HELZ: variants seen among roughly 807,000 people sequenced by gnomAD.
HELZ encodes ATP-dependent RNA helicase with zinc finger domain.
Under a neutral mutation model 218.2 loss-of-function variants are expected in HELZ, and 23 were observed. That is an observed-to-expected ratio of 0.11 (90% CI 0.08 to 0.15). The LOEUF (loss-of-function observed/expected upper bound fraction) is 0.15. HELZ is among the 10% of genes least tolerant of loss of function. The pLI is 1.00. For synonymous variants in HELZ, 814 were observed against 829.4 expected (o/e 0.98, Z 0.32); for missense variants, 1,813 against 2,353.7 (o/e 0.77, Z 4.75).
At chr17:67,213,564 G>A (rs1218165925) in intron 5 of HELZ, among the ~76,000 whole-genome samples, 1 of 152,112 alleles carries the variant, frequency 6.6e-6, no homozygotes, top group Non-Finnish European at 1.5e-5. Flanking sequence ...GGAGGTCACA[G>A]TGACCCGAGA....
intron 20 of HELZ, 106 bp downstream of exon 20, chr17:67,148,463 G>T (rs2038576740): frequency 3.4e-6 from 3 of 878,620 alleles, no homozygotes; most frequent in African/African-American, 3.4e-5. Context: ...GGGACACTAT[G>T]TAAGTGTGTT....
At chr17:67,229,986 A>G (rs2040993095) in intron 3 of HELZ, among the ~76,000 whole-genome samples, 1 of 152,244 alleles carries the variant, frequency 6.6e-6, no homozygotes, top group Non-Finnish European at 1.5e-5. Flanking sequence ...AAATTTTAGA[A>G]TAAGTGGAAT....
chr17:67,142,863 C>T (rs181656507), intron 21 of HELZ, among the ~76,000 whole-genome samples: 102 of 152,162 alleles, frequency 6.7e-4, no homozygotes, highest in African/African-American at 2.4e-3. Flanking sequence ...TTCAAGCCAT[C>T]CTCCCACCTC....
At position 67,190,081 on chromosome 17, in the gene HELZ, T is replaced by C; in HGVS notation, c.756+76A>G. The C allele has an allele frequency of 2.4e-6, 3 of 1,258,218 alleles. No homozygotes were observed. In the East Asian group the frequency reaches 6.9e-5, roughly 29 times the overall value. The allele number at this position is 1,258,218 out of a possible 1,614,324, so 77.9% of individuals were successfully genotyped here. A position where few individuals can be genotyped will look rare whatever the true frequency, so the allele number is the denominator to read the frequency against. On this transcript the variant is annotated intron_variant, in intron 10 of 32. Transcript: ENST00000358691. ...AAGAAGATAAGGAAATAAACCAAAA[T>C]AGAGCACACAATAAAGTCAAGACTC...
intron 3 of HELZ, among the ~76,000 whole-genome samples, chr17:67,234,043 C>CAAAA (rs551566138): frequency 1.0e-5 from 1 of 98,674 alleles, no homozygotes. Flanking sequence ...GACTCCATCT[C>CAAAA]AAAAAAAAAA....
At chr17:67,113,013 AATGTAGACT>A (rs1459769525) in intron 28 of HELZ, among the ~76,000 whole-genome samples, 14 of 152,214 alleles carry the variant, frequency 9.2e-5, no homozygotes, top group African/African-American at 3.1e-4. Context: ...GTTTTAGTGA[AATGTAGACT>A]ATGTGGATTA....
intron 7 of HELZ, among the ~76,000 whole-genome samples, chr17:67,196,913 T>C (rs1472889606): frequency 6.6e-6 from 1 of 152,116 alleles, no homozygotes; most frequent in Non-Finnish European, 1.5e-5. Flanking sequence ...ATGTCTCTCA[T>C]CTCTCTTACA....
chr17:67,092,259 A>G (rs1052748629), intron 31 of HELZ, among the ~76,000 whole-genome samples: 9 of 152,210 alleles, frequency 5.9e-5, no homozygotes, highest in African/African-American at 2.2e-4. Context: ...CTCGTCATCA[A>G]TAGAGGACAC....
At chr17:67,236,234 T>C (rs1254753721) in intron 3 of HELZ, among the ~76,000 whole-genome samples, 1 of 152,170 alleles carries the variant, frequency 6.6e-6, no homozygotes, top group Non-Finnish European at 1.5e-5. Context: ...AAAGTGCCAT[T>C]TTACACTATT....
chr17:67,129,879 T>C (rs1461497719), intron 23 of HELZ, among the ~76,000 whole-genome samples: 1 of 152,124 alleles, frequency 6.6e-6, no homozygotes, highest in Non-Finnish European at 1.5e-5. Context: ...ATGTTTAATA[T>C]GAGAGGTTCA....
At chr17:67,103,595 G>A (rs548643544) in intron 31 of HELZ, among the ~76,000 whole-genome samples, 201 of 152,264 alleles carry the variant, frequency 1.3e-3, no homozygotes, top group Middle Eastern at 3.4e-3. Flanking sequence ...AATGTTAAGC[G>A]TCCTGAACAA....
chr17:67,234,415 T>G (rs1255077910), intron 3 of HELZ, among the ~76,000 whole-genome samples: 1 of 151,846 alleles, frequency 6.6e-6, no homozygotes, highest in Non-Finnish European at 1.5e-5. Flanking sequence ...AAGATAACTC[T>G]TGAATCCTTT....
intron 25 of HELZ, 136 bp downstream of exon 25, chr17:67,123,815 CTGTGTGTGTGTG>C (rs58616216): frequency 4.2e-4 from 227 of 535,068 alleles, no homozygotes; most frequent in South Asian, 2.4e-3. Flanking sequence ...TCCAAAGTGA[CTGTGTGTGTGTG>C]TGTGTGTGTG....
At chr17:67,122,886 G>C (rs2143838190) in intron 26 of HELZ, 84 bp downstream of exon 26, 1 of 982,076 alleles carries the variant, frequency 1.0e-6, no homozygotes, top group South Asian at 2.0e-5. Context: ...AAAGAAGTTG[G>C]TAGAATGCTA....
intron 27 of HELZ, 138 bp downstream of exon 27, chr17:67,120,267 G>C: frequency 1.4e-6 from 1 of 709,444 alleles, no homozygotes; most frequent in South Asian, 1.8e-5. Context: ...GCCTCCCAAA[G>C]TGCTGGTAGA....
chr17:67,163,166 T>C (rs2039038749), intron 15 of HELZ, among the ~76,000 whole-genome samples: 1 of 152,166 alleles, frequency 6.6e-6, no homozygotes, highest in Non-Finnish European at 1.5e-5. Context: ...CAACAAAAGC[T>C]CAATTAAGGT....
rs569788248 is a variant in HELZ, at chr17:67,233,266, T to C, written c.-19+6167A>G. On this transcript the variant is annotated intron_variant, in intron 3 of 32. Coordinates refer to ENST00000358691, the MANE Select transcript of HELZ (RefSeq NM_014877.4). ...TACTTGGGAAGCTGAGGTGGGAGAATCGCTTAAACCTGGGATGCGGAGGCT... is the reference window on the plus strand; with the variant it reads ...TACTTGGGAAGCTGAGGTGGGAGAACCGCTTAAACCTGGGATGCGGAGGCT... Among the ~76,000 whole-genome samples the C allele has an allele frequency of 1.2e-4, 19 of 152,236 alleles. No individual in the cohort carries two copies. The East Asian group carries it at 3.7e-3, about 29-fold the overall frequency.
chr17:67,140,521 C>A (rs532165698), intron 21 of HELZ, among the ~76,000 whole-genome samples: 1 of 152,032 alleles, frequency 6.6e-6, no homozygotes, highest in Non-Finnish European at 1.5e-5. Flanking sequence ...AGATACATAG[C>A]GGTTATGCAA....
In HELZ at chr17:67,128,691, T is replaced by A. The variant is rs1240342654; in HGVS notation, c.3347A>T (p.His1116Leu). The A allele has an allele frequency of 6.2e-7, 1 of 1,614,196 alleles. No homozygotes were observed. The highest frequency in any genetic ancestry group is 1.1e-5 in the South Asian group (1 of 91,088). The change falls in exon 24 of 33, where the codon CAT becomes CTT. Residue 1116 changes from histidine to leucine, a missense_variant. This residue lies in a region of HELZ where 938 missense variants were observed against 1,027.5 expected (regional missense o/e 0.91). Coordinates refer to ENST00000358691, the MANE Select transcript of HELZ (RefSeq NM_014877.4). ...CTGCTGTTTGTTGGTACTTCCTGAA[T>A]GCTGCAGTCTTAGAGCCCGGGGGAT... ...EFIPRALRLQ[H>L]SGSTNKQQQS...
Sources: gnomAD v4.1 joint callset for allele counts (sites outside exome capture counted in the v4.1 genomes callset) on GRCh38, gnomAD v4.1.1 for gene constraint, gnomAD v4.1.1 regional missense constraint, MANE v1.5 for transcripts, NCBI Gene and HGNC (gene_info 2026-07-23, HGNC 2026-07-21) for gene names.